Variants in CTPS1 observed in about 807,000 individuals in gnomAD.
The protein encoded by CTPS1 is CTP synthase 1.
A neutral mutation model predicts 80.5 loss-of-function variants in CTPS1; 25 were observed. That is an observed-to-expected ratio of 0.31 (90% CI 0.23 to 0.43). The LOEUF is 0.43. Ranked by LOEUF, CTPS1 falls within the 20% of genes least tolerant of loss-of-function variation. The pLI, the probability that CTPS1 is intolerant of heterozygous loss-of-function variation, is 1.00. For synonymous variants in CTPS1, 267 were observed against 252.5 expected (o/e 1.06, Z -0.54); for missense variants, 442 against 725.7 (o/e 0.61, Z 4.49).
chr1:40,988,389 A>C (rs1313268157), intron 4 of CTPS1: 3 of 470,354 alleles, frequency 6.4e-6, no homozygotes, highest in Non-Finnish European at 1.1e-5. Flanking sequence ...AACCTTTGGG[A>C]AGGATGAGCC....
intron 9 of CTPS1, among the ~76,000 whole-genome samples, chr1:40,999,561 T>G (rs1267952183): frequency 6.6e-6 from 1 of 151,928 alleles, no homozygotes; most frequent in Non-Finnish European, 1.5e-5. Flanking sequence ...AGCGGCTGAG[T>G]GTTAGAGAGG....
intron 17 of CTPS1, 96 bp downstream of exon 17, chr1:41,009,685 GA>G (rs1479277938): frequency 1.3e-4 from 192 of 1,451,264 alleles, no homozygotes; most frequent in Non-Finnish European, 1.6e-4. Flanking sequence ...TCAGTCATAA[GA>G]AAAAAAAGCC....
At chr1:40,999,241 T>C (rs1642837976) in intron 9 of CTPS1, among the ~76,000 whole-genome samples, 1 of 151,944 alleles carries the variant, frequency 6.6e-6, no homozygotes, top group Non-Finnish European at 1.5e-5. Flanking sequence ...TGTGGAGCAG[T>C]TGGAAACACT....
chr1:40,984,773 G>T, intron 2 of CTPS1, 48 bp from the exon 3 acceptor site: 1 of 1,377,028 alleles, frequency 7.3e-7, no homozygotes, highest in Non-Finnish European at 9.6e-7. Flanking sequence ...TTGTGCCATG[G>T]TATAGGTATT....
rs776453435 is a variant in CTPS1, at chr1:40,983,521, T to C, written c.166+65T>C. On this transcript the variant is annotated intron_variant, in intron 2 of 18. Transcript: ENST00000650070. ...AGAACATGTCAGCACTTGGGAATTATGTGCACGGTTTGCATAACTTTTATT... is the reference window on the plus strand; with the variant it reads ...AGAACATGTCAGCACTTGGGAATTACGTGCACGGTTTGCATAACTTTTATT... The C allele has an allele frequency of 1.3e-4, 178 of 1,359,050 alleles. 1 individual carries two copies. The highest frequency in any genetic ancestry group is 1.6e-4 in the Non-Finnish European group (161 of 989,118). The allele number at this position is 1,359,050 out of a possible 1,614,324, so 84.2% of individuals were successfully genotyped here. A position where few individuals can be genotyped will look rare whatever the true frequency, so the allele number is the denominator to read the frequency against.
intron 2 of CTPS1, 95 bp from the exon 3 acceptor site, chr1:40,984,726 A>G (rs1325747856): frequency 4.1e-6 from 4 of 987,080 alleles, no homozygotes; most frequent in African/African-American, 1.7e-5. Context: ...ACGTAATTGC[A>G]CACCTTGTTA....
rs1453298056 is a variant in CTPS1, at chr1:40,995,899, T to G, written c.721-18T>G. ...TGAGTTTTTGCTTTTATTTAATAAC[T>G]TGCTTTTTTCTAAACAGGTGATCTG... On this transcript the variant is annotated intron_variant, in intron 7 of 18. Transcript: ENST00000650070. 2 of 1,604,428 alleles carry G rather than the reference T, an allele frequency of 1.2e-6. No homozygotes were observed. The highest frequency in any genetic ancestry group is 8.5e-7 in the Non-Finnish European group (1 of 1,173,680).
chr1:40,994,827 T>G (rs1259569554), intron 7 of CTPS1, among the ~76,000 whole-genome samples: 1 of 152,256 alleles, frequency 6.6e-6, no homozygotes, highest in African/African-American at 2.4e-5. Flanking sequence ...TTGCCAAATT[T>G]TCCCTAATCT....
At chr1:40,997,182 T>G (rs1181482690) in intron 8 of CTPS1, 2 of 523,004 alleles carry the variant, frequency 3.8e-6, no homozygotes, top group Non-Finnish European at 6.7e-6. Flanking sequence ...GCCCAGGCTG[T>G]AGTGCAGTGG....
In CTPS1 at chr1:41,007,487, C is replaced by T. The variant is rs887919128; in HGVS notation, c.1335C>T (p.Gly445=). The T allele has an allele frequency of 1.1e-5, 17 of 1,614,088 alleles. No individual in the cohort carries two copies. The highest frequency in any genetic ancestry group is 3.3e-5 in the Admixed American group (2 of 60,016). ...CAGAACACAACCCAGGGCAGATGGG[C>T]GGAACCATGAGGCTGGGCAAGAGGA... ...DMPEHNPGQM[G]GTMRLGKRRT... Residue 445 remains glycine (G), a synonymous_variant, in exon 14 of 19, where the codon GGC becomes GGT. Transcript: ENST00000650070. The surrounding 1 kb of genome is among the most constrained non-coding windows in gnomAD (Gnocchi z 4.4).
chr1:40,989,678 A>G (rs1642552178), intron 5 of CTPS1, among the ~76,000 whole-genome samples: 1 of 152,210 alleles, frequency 6.6e-6, no homozygotes, highest in African/African-American at 2.4e-5. Context: ...CTGAGGCGCT[A>G]CAAGCAGAGG....
intron 1 of CTPS1, chr1:40,982,101 A>C (rs1199133763): frequency 1.2e-6 from 1 of 838,284 alleles, no homozygotes; most frequent in Non-Finnish European, 1.7e-6. Flanking sequence ...ACCAGTGATA[A>C]ATCCTCCGTG....
At chr1:40,988,439 A>G in intron 4 of CTPS1, 155 bp from the exon 5 acceptor site, 1 of 628,102 alleles carries the variant, frequency 1.6e-6, no homozygotes. Context: ...GAGTTGTCTA[A>G]TTCCTGTTAA....
intron 1 of CTPS1, chr1:40,980,090 C>CGCGGGGCGGCTTCAGAGGCT (rs905020925): frequency 1.3e-5 from 2 of 151,122 alleles, no homozygotes; most frequent in African/African-American, 2.4e-5. Flanking sequence ...CCAAGCGGGG[C>CGCGGGGCGGCTTCAGAGGCT]GCGGGGCGGC....
intron 12 of CTPS1, 76 bp downstream of exon 12, chr1:41,003,252 G>C: frequency 6.6e-7 from 1 of 1,523,996 alleles, no homozygotes; most frequent in Non-Finnish European, 9.1e-7. Flanking sequence ...TGCCGCCTGG[G>C]TGATCAGGAG....
chr1:40,998,125 G>A (rs898775485), intron 9 of CTPS1, among the ~76,000 whole-genome samples: 3 of 152,154 alleles, frequency 2.0e-5, no homozygotes, highest in Non-Finnish European at 2.9e-5. Flanking sequence ...GTGGCTAGGC[G>A]CGTTGGCTCA....
chr1:41,001,022 C>A lies in CTPS1; in HGVS notation c.1006-7C>A. On this transcript the variant is annotated splice_polypyrimidine_tract_variant and splice_region_variant and intron_variant, in intron 9 of 18. Transcript: ENST00000650070. ...CTGCTTTTCTCCCCTGTCTGAATAA[C>A]ATCCAGTACATAGATTCTGCGGACT... 6.3e-7 allele frequency: 1 copy of A among 1,599,746 alleles called. No homozygotes were observed. Among genetic ancestry groups the A allele is most frequent in the Non-Finnish European group, 8.5e-7 (1 of 1,174,556 alleles).
rs763233454 is a variant in CTPS1 at position 41,009,548 on chromosome 1, G to A, written c.1650G>A (p.Arg550=). ...YFGLLLASVG[R]LSHYLQKGCR... is the part of the protein sequence containing the mutation. ...GCCTCCTCCTGGCCTCTGTGGGGCG[G>A]CTCTCACATTACCTCCAGAAAGGCT... is the stretch of plus-strand genomic sequence containing the variant. Residue 550 remains arginine (R), a synonymous_variant, in exon 17 of 19, where the codon CGG becomes CGA. Transcript: ENST00000650070. 6 of 1,614,040 alleles carry A rather than the reference G, an allele frequency of 3.7e-6. No individual in the cohort carries two copies. The Admixed American group carries it at 5.0e-5, about 13-fold the overall frequency.
intron 9 of CTPS1, among the ~76,000 whole-genome samples, chr1:40,999,857 GA>G (rs1642857866): frequency 6.6e-6 from 1 of 152,126 alleles, no homozygotes. Flanking sequence ...TGAAAAGGAA[GA>G]AACCAGGCTG....
Sources: allele counts gnomAD v4.1 joint callset (sites outside exome capture counted in the v4.1 genomes callset), GRCh38; gene constraint gnomAD v4.1.1; non-coding constraint Gnocchi (gnomAD v3.1); transcripts MANE v1.5; gene names NCBI Gene and HGNC (gene_info 2026-07-23, HGNC 2026-07-21).